The following LIN9 variants were observed in gnomAD, a reference collection of about 807,000 sequenced individuals.
LIN9 encodes protein lin-9 homolog.
Under a neutral mutation model 78.0 loss-of-function variants are expected in LIN9, and 18 were observed. The observed-to-expected ratio is 0.23, with a 90% CI of 0.16 to 0.34. The LOEUF is 0.34. Ranked by LOEUF, LIN9 falls within the 10% of genes least tolerant of loss-of-function variation. The pLI is 1.00. For synonymous variants in LIN9, 192 were observed against 215.2 expected (o/e 0.89, Z 0.94); for missense variants, 451 against 644.1 (o/e 0.70, Z 3.25).
intron 11 of LIN9, among the ~76,000 whole-genome samples, chr1:226,247,340 G>A (rs1461119888): frequency 6.6e-6 from 1 of 151,818 alleles, no homozygotes; most frequent in Non-Finnish European, 1.5e-5. Context: ...GGGTTATTGT[G>A]TCTCCTATTG....
At chr1:226,285,728 T>C (rs748226514) in intron 6 of LIN9, among the ~76,000 whole-genome samples, 13 of 152,318 alleles carry the variant, frequency 8.5e-5, no homozygotes, top group Non-Finnish European at 1.0e-4. Context: ...TAATTTGTTT[T>C]CTACTTTTAT....
upstream of LIN9, chr1:226,309,558 G>A (rs542297598): frequency 1.1e-5 from 13 of 1,181,656 alleles, no homozygotes; most frequent in South Asian, 3.2e-5. Context: ...GGCCCCGGCG[G>A]GGGGAAAGAA....
At position 226,232,525 on chromosome 1, in the gene LIN9, T is replaced by C. The variant is rs371853620; in HGVS notation, c.1605A>G (p.Ala535=). The stretch of plus-strand genomic sequence containing the variant: ...CTCAGTCTCTGTTGGTGTTATTTGC[T>C]GCAAAGGCATGTAAGTTTCCCATCT... ...LSQMGNLHAF[A]ANNTNRD The change falls in exon 15 of 15, where the codon GCA becomes GCG. Residue 535 remains alanine, a synonymous_variant. Transcript: ENST00000681046. 34 of 1,610,804 alleles carry C rather than the reference T, an allele frequency of 2.1e-5. No individual in the cohort carries two copies. Among genetic ancestry groups the C allele is most frequent in the Non-Finnish European group, 2.7e-5 (32 of 1,177,682 alleles).
At chr1:226,283,563 T>C (rs1377918258) in intron 6 of LIN9, among the ~76,000 whole-genome samples, 1 of 152,290 alleles carries the variant, frequency 6.6e-6, no homozygotes. Context: ...CAACTCTGTT[T>C]ACAGGCTTTT....
chr1:226,260,627 A>AGTTTTTT lies in LIN9; in HGVS notation c.1038+4899_1038+4905dup, dbSNP rs1659503901. 7.1e-5 allele frequency among the ~76,000 whole-genome samples: 5 copies of AGTTTTTT among 70,804 alleles called. 1 individual carries two copies. Among genetic ancestry groups the AGTTTTTT allele is most frequent in the African/African-American group, 2.9e-4 (5 of 17,054 alleles). The allele number at this position is 70,804 out of a possible 152,430, so 46.5% of individuals were successfully genotyped here. ...AAGAATTTAAGATCACGGCCAAATG[A>AGTTTTTT]GTTTTTTTTTTTTTTTTTTTTTTTT... is the stretch of plus-strand genomic sequence containing the variant. On this transcript the variant is annotated intron_variant, in intron 10 of 14. Coordinates refer to ENST00000681046, the MANE Select transcript of LIN9 (RefSeq NM_001366245.2).
chr1:226,278,697 GC>G (rs1660825266), intron 6 of LIN9, among the ~76,000 whole-genome samples: 1 of 151,570 alleles, frequency 6.6e-6, no homozygotes, highest in African/African-American at 2.4e-5. Context: ...GGTGGCAGGC[GC>G]CTATAATCCC....
chr1:226,284,958 T>C (rs1661304896), intron 6 of LIN9, among the ~76,000 whole-genome samples: 1 of 152,218 alleles, frequency 6.6e-6, no homozygotes, highest in African/African-American at 2.4e-5. Flanking sequence ...AATTAAGATA[T>C]TTTAAGGTTT....
intron 4 of LIN9, among the ~76,000 whole-genome samples, chr1:226,291,363 AAGAC>A (rs1010850062): frequency 1.4e-4 from 22 of 152,206 alleles, no homozygotes; most frequent in Admixed American, 1.3e-3. Context: ...ATCTCAAAAA[AAGAC>A]AGTGAAAAAA....
intron 11 of LIN9, among the ~76,000 whole-genome samples, chr1:226,241,580 CG>C (rs1027047497): frequency 5.3e-5 from 8 of 152,066 alleles, no homozygotes; most frequent in African/African-American, 1.9e-4. Context: ...TGATATAGGC[CG>C]GGTGCGGTGG....
intron 12 of LIN9, among the ~76,000 whole-genome samples, chr1:226,235,486 G>A (rs1297426257): frequency 6.6e-6 from 1 of 152,078 alleles, no homozygotes; most frequent in East Asian, 1.9e-4. Context: ...CTTGGGACCA[G>A]AAGTGTTTTG....
At position 226,264,160 on chromosome 1, in the gene LIN9, T is replaced by C. The variant is rs370469729; in HGVS notation, c.1038+1373A>G. On this transcript the variant is annotated intron_variant, in intron 10 of 14. Coordinates refer to ENST00000681046, the MANE Select transcript of LIN9 (RefSeq NM_001366245.2). The stretch of plus-strand genomic sequence containing the variant: ...CACTTTGGGAGGCCGAGGGCGATCA[T>C]GTGAGGTCAGGAGTTTGAGACCAGC... Among the ~76,000 whole-genome samples the C allele has an allele frequency of 5.9e-5, 9 of 151,770 alleles. No individual in the cohort carries two copies. In the East Asian group the frequency reaches 1.6e-3, roughly 26 times the overall value.
chr1:226,300,907 A>G (rs1662492069), intron 2 of LIN9, among the ~76,000 whole-genome samples: 1 of 152,236 alleles, frequency 6.6e-6, no homozygotes, highest in African/African-American at 2.4e-5. Flanking sequence ...CAGTCGTTTA[A>G]CAAATGCTTT....
chr1:226,240,337 C>T (rs1576276942), intron 11 of LIN9, among the ~76,000 whole-genome samples: 2 of 151,838 alleles, frequency 1.3e-5, no homozygotes, highest in African/African-American at 4.8e-5. Flanking sequence ...CCTCAGCCTC[C>T]CAAGTAGCTG....
intron 1 of LIN9, among the ~76,000 whole-genome samples, chr1:226,308,388 C>A (rs376744086): frequency 2.0e-5 from 3 of 152,238 alleles, no homozygotes; most frequent in Admixed American, 1.3e-4. Flanking sequence ...CACATCCATG[C>A]ATAAAGGTAC....
chr1:226,299,134 T>C (rs545772433), intron 2 of LIN9, among the ~76,000 whole-genome samples: 2 of 152,296 alleles, frequency 1.3e-5, no homozygotes, highest in Non-Finnish European at 2.9e-5. Flanking sequence ...GTTATTTTTA[T>C]TTTCTTCTAG....
intron 7 of LIN9, among the ~76,000 whole-genome samples, chr1:226,273,620 C>T (rs768807785): frequency 2.7e-4 from 41 of 151,956 alleles, no homozygotes; most frequent in Non-Finnish European, 4.9e-4. Context: ...TCTTCTTCTT[C>T]TTTTTTTTAA....
Position 226,252,881 on chromosome 1 carries a change from C to T in LIN9, c.1039-1962G>A, listed in dbSNP as rs1391239196. On this transcript the variant is annotated intron_variant, in intron 10 of 14. Transcript: ENST00000681046. ...ACTCGGCAGGCTGAGGCAGGAGAAT[C>T]GCTTGAACCCGGGAGGCAGAGGCTG... Among the ~76,000 whole-genome samples, 4 of 151,914 alleles carry T rather than the reference C, an allele frequency of 2.6e-5. No individual in the cohort carries two copies. In the East Asian group the frequency reaches 7.7e-4, roughly 29 times the overall value.
intron 12 of LIN9, among the ~76,000 whole-genome samples, chr1:226,236,056 A>G (rs1225402430): frequency 6.6e-6 from 1 of 152,124 alleles, no homozygotes; most frequent in East Asian, 1.9e-4. Flanking sequence ...CATAGTATTC[A>G]ATTGTGTGGA....
intron 10 of LIN9, among the ~76,000 whole-genome samples, chr1:226,254,467 T>C (rs903918478): frequency 6.6e-6 from 1 of 152,180 alleles, no homozygotes; most frequent in Non-Finnish European, 1.5e-5. Flanking sequence ...GGAAGTAGTA[T>C]TTTAACTAGG....
Sources: allele counts gnomAD v4.1 joint callset (sites outside exome capture counted in the v4.1 genomes callset), GRCh38; gene constraint gnomAD v4.1.1; transcripts MANE v1.5; gene names NCBI Gene and HGNC (gene_info 2026-07-23, HGNC 2026-07-21).